FOXP1: variants seen among roughly 807,000 people sequenced by gnomAD.
FOXP1 encodes forkhead box P1.
Under a neutral mutation model 98.2 loss-of-function variants are expected in FOXP1, and 15 were observed. The ratio of observed to expected loss-of-function variants is 0.15; its 90% CI spans 0.10 to 0.24. FOXP1 has a LOEUF of 0.24. Ranked by LOEUF, FOXP1 falls within the 10% of genes least tolerant of loss-of-function variation. The pLI, the probability that FOXP1 is intolerant of heterozygous loss-of-function variation, is 1.00. For missense variants in FOXP1, 633 were observed against 848.5 expected (o/e 0.75, Z 3.15); for synonymous variants, 371 against 314.5 (o/e 1.18, Z -1.90).
chr3:71,070,626 C>T (rs557011694), intron 7 of FOXP1, among the ~76,000 whole-genome samples: 24 of 152,306 alleles, frequency 1.6e-4, no homozygotes, highest in African/African-American at 5.1e-4. Context: ...AGGGCACTCT[C>T]GGGCCCTCTC....
chr3:71,146,159 G>A (rs1028063506), intron 6 of FOXP1, among the ~76,000 whole-genome samples: 2 of 152,204 alleles, frequency 1.3e-5, no homozygotes, highest in Admixed American at 6.5e-5. Flanking sequence ...TCCCTTCAGG[G>A]TGATGCTTTT....
chr3:71,353,560 C>T (rs1234723361), intron 4 of FOXP1, among the ~76,000 whole-genome samples: 1 of 152,078 alleles, frequency 6.6e-6, no homozygotes, highest in Non-Finnish European at 1.5e-5. Context: ...TTAGTAACCA[C>T]GTTTGATGCC....
intron 4 of FOXP1, among the ~76,000 whole-genome samples, chr3:71,314,101 G>A (rs2074903891): frequency 6.6e-6 from 1 of 152,178 alleles, no homozygotes; most frequent in African/African-American, 2.4e-5. Context: ...CATGTCATAA[G>A]TACTTAGAAT....
At chr3:71,215,424 G>A (rs1374746641) in intron 5 of FOXP1, among the ~76,000 whole-genome samples, 1 of 152,330 alleles carries the variant, frequency 6.6e-6, no homozygotes, top group East Asian at 1.9e-4. Context: ...ACATAAATAA[G>A]TGGAGATTAG....
chr3:71,573,989 C>T (rs1170874257), intron 2 of FOXP1: 2 of 152,208 alleles, frequency 1.3e-5, no homozygotes, highest in East Asian at 3.8e-4. Context: ...ACAGTGGTAA[C>T]TATGTGTCCT....
At chr3:71,076,769 T>C (rs2053846961) in intron 7 of FOXP1, among the ~76,000 whole-genome samples, 2 of 152,254 alleles carry the variant, frequency 1.3e-5, no homozygotes, top group Non-Finnish European at 2.9e-5. Context: ...ATCCATGTCA[T>C]GGCCATGATT....
intron 6 of FOXP1, among the ~76,000 whole-genome samples, chr3:71,185,302 G>A (rs539167923): frequency 8.5e-5 from 13 of 152,216 alleles, no homozygotes; most frequent in African/African-American, 3.1e-4. Flanking sequence ...AAAGTAAGAA[G>A]GGAAAGAAGA....
intron 2 of FOXP1, among the ~76,000 whole-genome samples, chr3:71,532,989 G>T (rs2043981046): frequency 6.6e-6 from 1 of 152,222 alleles, no homozygotes; most frequent in South Asian, 2.1e-4. Flanking sequence ...GACCCTGGTT[G>T]ATACATCTTG....
At chr3:71,299,032 G>A (rs1228754421) in intron 5 of FOXP1, among the ~76,000 whole-genome samples, 2 of 152,136 alleles carry the variant, frequency 1.3e-5, no homozygotes, top group East Asian at 3.9e-4. Flanking sequence ...AGAAATATCA[G>A]ATGTTAAAAC....
At chr3:71,086,017 C>A (rs1022905599) in intron 7 of FOXP1, among the ~76,000 whole-genome samples, 3 of 152,020 alleles carry the variant, frequency 2.0e-5, no homozygotes, top group Non-Finnish European at 4.4e-5. Context: ...CGTGAGCCAC[C>A]GCACATTTAC....
intron 2 of FOXP1, chr3:71,571,429 C>G (rs897229775): frequency 3.7e-4 from 56 of 152,200 alleles, no homozygotes; most frequent in African/African-American, 1.3e-3. Flanking sequence ...TTCAGGGAAA[C>G]ACTATCTACC....
At chr3:71,091,519 C>CAAAACAAAACA (rs199911557) in intron 7 of FOXP1, among the ~76,000 whole-genome samples, 3 of 142,802 alleles carry the variant, frequency 2.1e-5, no homozygotes, top group African/African-American at 8.6e-5. Flanking sequence ...CAAAACAAAA[C>CAAAACAAAACA]AAACAAACAA....
intron 3 of FOXP1, among the ~76,000 whole-genome samples, chr3:71,453,840 A>C (rs1354696533): frequency 6.6e-6 from 1 of 152,224 alleles, no homozygotes; most frequent in Non-Finnish European, 1.5e-5. Context: ...TCTAGAGATA[A>C]AAATATAAAG....
chr3:71,388,814 G>A (rs1273873359), intron 3 of FOXP1, among the ~76,000 whole-genome samples: 1 of 152,126 alleles, frequency 6.6e-6, no homozygotes, highest in Non-Finnish European at 1.5e-5. Flanking sequence ...TCCTTGAAAA[G>A]AAAAGAAAAA....
intron 4 of FOXP1, among the ~76,000 whole-genome samples, chr3:71,338,472 C>T (rs2076817963): frequency 6.6e-6 from 1 of 152,168 alleles, no homozygotes; most frequent in Non-Finnish European, 1.5e-5. Flanking sequence ...GAGACGGAGT[C>T]TCACTCTGTC....
chr3:71,140,045 T>C (rs1326174513), intron 6 of FOXP1, among the ~76,000 whole-genome samples: 1 of 152,226 alleles, frequency 6.6e-6, no homozygotes, highest in Non-Finnish European at 1.5e-5. Context: ...TAATATATGA[T>C]AATAAAAATC....
chr3:71,571,390 T>C (rs1364062832), intron 2 of FOXP1: 3 of 152,212 alleles, frequency 2.0e-5, no homozygotes, highest in East Asian at 1.9e-4. Context: ...TATCCAAACA[T>C]TGCCCCTTTG....
intron 7 of FOXP1, among the ~76,000 whole-genome samples, chr3:71,067,633 A>T (rs1020301650): frequency 1.3e-5 from 2 of 151,992 alleles, no homozygotes; most frequent in Non-Finnish European, 2.9e-5. Flanking sequence ...GCAGTGGCTC[A>T]TACTCATAAT....
intron 2 of FOXP1, among the ~76,000 whole-genome samples, chr3:71,575,960 A>G (rs2047690134): frequency 6.6e-6 from 1 of 152,276 alleles, no homozygotes; most frequent in Admixed American, 6.5e-5. Context: ...AAATCAGAGC[A>G]TCTGGTAAAA....
Sources: gnomAD v4.1 joint callset for allele counts (sites outside exome capture counted in the v4.1 genomes callset) on GRCh38, gnomAD v4.1.1 for gene constraint, MANE v1.5 for transcripts, NCBI Gene and HGNC (gene_info 2026-07-23, HGNC 2026-07-21) for gene names.